CPPED1: variants seen among roughly 807,000 people sequenced by gnomAD.
CPPED1 encodes calcineurin like phosphoesterase domain containing 1.
A neutral mutation model predicts 28.0 loss-of-function variants in CPPED1; 28 were observed. The ratio of observed to expected loss-of-function variants is 1.00; its 90% confidence interval spans 0.74 to 1.37. The LOEUF (loss-of-function observed/expected upper bound fraction) is 1.37. Ranked by LOEUF, CPPED1 falls within the 40% of genes most tolerant of loss-of-function variation. The pLI, the probability that CPPED1 is intolerant of heterozygous loss-of-function variation, is 0.00. For synonymous variants in CPPED1, 198 were observed against 180.2 expected, an observed-to-expected ratio of 1.10 and a Z score of -0.79; for missense variants, 504 against 416.5, an observed-to-expected ratio of 1.21 and a Z score of -1.83.
chr16:12,680,724 T>A (rs181707661), intron 3 of CPPED1, among the ~76,000 whole-genome samples: 1 of 152,134 alleles, frequency 6.6e-6, no homozygotes, highest in Admixed American at 6.5e-5. Context: ...GCCAAGCAGC[T>A]CTGCCCCTGT....
intron 2 of CPPED1, among the ~76,000 whole-genome samples, chr16:12,776,776 G>T (rs149582586): frequency 6.6e-6 from 1 of 152,138 alleles, no homozygotes; most frequent in South Asian, 2.1e-4. Flanking sequence ...AAAATTAGCC[G>T]GGTGTGGTGG....
chr16:12,726,880 A>G (rs912321349), intron 2 of CPPED1, among the ~76,000 whole-genome samples: 2 of 152,110 alleles, frequency 1.3e-5, no homozygotes, highest in African/African-American at 4.8e-5. Flanking sequence ...AGAATAGAGG[A>G]AAAAAATGGT....
chr16:12,733,610 G>A (rs529679930), intron 2 of CPPED1, among the ~76,000 whole-genome samples: 16 of 152,210 alleles, frequency 1.1e-4, no homozygotes, highest in African/African-American at 3.6e-4. Flanking sequence ...GGAAAGACAC[G>A]GGGAAGAAAT....
At chr16:12,683,806 C>T (rs1421633015) in intron 3 of CPPED1, among the ~76,000 whole-genome samples, 1 of 152,162 alleles carries the variant, frequency 6.6e-6, no homozygotes, top group East Asian at 1.9e-4. Flanking sequence ...AAAGTAAAGG[C>T]TGTATTTGTG....
At chr16:12,777,907 T>TC (rs144460318) in intron 2 of CPPED1, among the ~76,000 whole-genome samples, 34,164 of 149,246 alleles carry the variant, frequency 0.23, 4,312 homozygotes, top group East Asian at 0.29. Flanking sequence ...TATTTTCTTT[T>TC]TTTTTTTTTT....
chr16:12,785,952 C>G (rs899075647), intron 1 of CPPED1, among the ~76,000 whole-genome samples: 2 of 142,418 alleles, frequency 1.4e-5, no homozygotes, highest in Non-Finnish European at 3.1e-5. Context: ...AAAAAAAAAC[C>G]AAAAGACACT....
intron 2 of CPPED1, among the ~76,000 whole-genome samples, chr16:12,726,533 G>C (rs1380238296): frequency 6.6e-6 from 1 of 151,758 alleles, no homozygotes; most frequent in East Asian, 1.9e-4. Context: ...AGTAGAGACG[G>C]GGTTTCACCC....
chr16:12,762,681 G>A (rs144795577), intron 2 of CPPED1, among the ~76,000 whole-genome samples: 154 of 152,258 alleles, frequency 1.0e-3, no homozygotes, highest in Middle Eastern at 6.8e-3. Flanking sequence ...GGCTGGAGTC[G>A]GAGGTGAAGG....
chr16:12,797,218 G>A (rs189138603), intron 1 of CPPED1, among the ~76,000 whole-genome samples: 23 of 152,216 alleles, frequency 1.5e-4, no homozygotes, highest in African/African-American at 5.3e-4. Context: ...AACTTAAAAT[G>A]CATGTTATGG....
At chr16:12,678,785 T>C (rs967743307) in intron 3 of CPPED1, among the ~76,000 whole-genome samples, 1 of 152,226 alleles carries the variant, frequency 6.6e-6, no homozygotes, top group African/African-American at 2.4e-5. Flanking sequence ...GTAATTATTT[T>C]GTAGATTCCT....
chr16:12,788,998 G>C (rs2080580563), intron 1 of CPPED1, among the ~76,000 whole-genome samples: 1 of 152,198 alleles, frequency 6.6e-6, no homozygotes, highest in Non-Finnish European at 1.5e-5. Context: ...CTGTGGATGA[G>C]GTCTGCTTAG....
intron 3 of CPPED1, among the ~76,000 whole-genome samples, chr16:12,683,315 A>G (rs1235706020): frequency 6.6e-6 from 1 of 152,092 alleles, no homozygotes; most frequent in African/African-American, 2.4e-5. Flanking sequence ...TTAACAGCTT[A>G]TTCTTCCTGC....
chr16:12,674,414 G>C (rs902908748), intron 3 of CPPED1, among the ~76,000 whole-genome samples: 4 of 152,190 alleles, frequency 2.6e-5, no homozygotes, highest in African/African-American at 9.7e-5. Flanking sequence ...GCCAGGTCCA[G>C]AAGAAGCCTG....
intron 2 of CPPED1, chr16:12,780,953 A>C (rs993427135): frequency 1.7e-5 from 9 of 541,562 alleles, no homozygotes; most frequent in Non-Finnish European, 2.6e-5. Flanking sequence ...ATTAAGCTCA[A>C]ATCATCAGAA....
chr16:12,676,361 A>C (rs1050740374), intron 3 of CPPED1, among the ~76,000 whole-genome samples: 8 of 152,228 alleles, frequency 5.3e-5, no homozygotes, highest in African/African-American at 1.7e-4. Context: ...AGAGCTACTC[A>C]TAACAAAATG....
chr16:12,685,503 G>C (rs113181572), intron 3 of CPPED1, among the ~76,000 whole-genome samples: 9 of 152,132 alleles, frequency 5.9e-5, no homozygotes, highest in Admixed American at 2.0e-4. Context: ...ATAGCCTCAC[G>C]AGGCTGTTAG....
At chr16:12,742,820 C>T (rs1000088702) in intron 2 of CPPED1, among the ~76,000 whole-genome samples, 3 of 152,164 alleles carry the variant, frequency 2.0e-5, no homozygotes, top group African/African-American at 4.8e-5. Context: ...TATTGTCATA[C>T]TCCTGGCTGT....
At position 12,803,741 on chromosome 16, in the gene CPPED1, T is replaced by A. The variant is rs1021966429; in HGVS notation, c.36A>T (p.Arg12Ser). Residue 12 changes from arginine to serine, a missense_variant, in exon 1 of 4, where the codon AGA (arginine) becomes AGT (serine). By Grantham distance (110) the Arg-to-Ser change is moderately radical. Transcript: ENST00000381774. ...ACGCGGCCAGGGTCCTGCCCCTGGC[T>A]CTGTGGAAAACACCCCCCGCCTCTG... ...SAAEAGGVFH[R>S]ARGRTLAAFP... The A allele has an allele frequency of 9.4e-6, 15 of 1,595,860 alleles. 1 individual carries two copies. Among genetic ancestry groups the A allele is most frequent in the Middle Eastern group, 3.3e-4 (2 of 6,050 alleles).
At chr16:12,671,395 G>A (rs1390748679) in intron 3 of CPPED1, among the ~76,000 whole-genome samples, 3 of 152,040 alleles carry the variant, frequency 2.0e-5, no homozygotes, top group Non-Finnish European at 2.9e-5. Flanking sequence ...TGGTAAAGAG[G>A]GGTAAGGGAA....
Sources: gnomAD v4.1 joint callset for allele counts (sites outside exome capture counted in the v4.1 genomes callset) on GRCh38, gnomAD v4.1.1 for gene constraint, MANE v1.5 for transcripts, NCBI Gene and HGNC (gene_info 2026-07-23, HGNC 2026-07-21) for gene names.